Variants in PKHD1L1 observed in about 807,000 individuals in gnomAD.
The protein encoded by PKHD1L1 is fibrocystin-L.
A neutral mutation model predicts 462.9 loss-of-function variants in PKHD1L1; 434 were observed. The observed-to-expected ratio is 0.94, with a 90% CI of 0.87 to 1.02. The LOEUF (loss-of-function observed/expected upper bound fraction) is 1.02, where lower values mean the gene tolerates loss of function less well. PKHD1L1 is among the 50% of genes least tolerant of loss of function. The probability of loss-of-function intolerance (pLI) is 0.00; values close to 1 mark genes in which losing one functional copy is unlikely to be tolerated. For missense variants in PKHD1L1, 5,202 were observed against 5,096.1 expected, an observed-to-expected ratio of 1.02 and a Z score of -0.63; for synonymous variants, 1,781 against 1,750.0, an observed-to-expected ratio of 1.02 and a Z score of -0.44.
rs114962175 is a variant in PKHD1L1, at chr8:109,487,337, T to G, written c.9880+516T>G. Among the ~76,000 whole-genome samples the G allele has an allele frequency of 7.8e-3, 1,182 of 152,056 alleles. 16 individuals are homozygous for G. The highest frequency in any genetic ancestry group is 0.027 in the African/African-American group (1,105 of 41,518). ...TATTTTAGTATGCAACTCTAAGACA[T>G]TTTAGAAAACATCAACAAATATCAG... On this transcript the variant is annotated intron_variant, in intron 59 of 77. Transcript: ENST00000378402.
At chr8:109,448,040 C>A in intron 38 of PKHD1L1, 103 bp from the exon 39 acceptor site, 1 of 1,055,622 alleles carries the variant, frequency 9.5e-7, no homozygotes, top group Non-Finnish European at 1.3e-6. Context: ...AGTTTTAAAA[C>A]ACTGGTTATT....
chr8:109,455,287 A>C (rs541443310), intron 45 of PKHD1L1, among the ~76,000 whole-genome samples: 19 of 152,326 alleles, frequency 1.2e-4, no homozygotes, highest in African/African-American at 3.8e-4. Flanking sequence ...GCAGTGAGCC[A>C]AGATCACACC....
chr8:109,493,901 A>G, intron 63 of PKHD1L1, 150 bp downstream of exon 63: 2 of 520,992 alleles, frequency 3.8e-6, no homozygotes, highest in Non-Finnish European at 6.6e-6. Context: ...TTTCAAGATA[A>G]CATTGGATCT....
intron 24 of PKHD1L1, 103 bp from the exon 25 acceptor site, chr8:109,426,899 C>T (rs1814778899): frequency 5.8e-6 from 4 of 692,486 alleles, no homozygotes; most frequent in Middle Eastern, 4.2e-4. Context: ...GTGACCCGCC[C>T]GCTTTGGCCT....
chr8:109,495,048 A>G (rs1819019187), intron 63 of PKHD1L1, among the ~76,000 whole-genome samples: 1 of 151,940 alleles, frequency 6.6e-6, no homozygotes, highest in Admixed American at 6.6e-5. Context: ...TTTAAAAAAT[A>G]TACTAGTTAA....
At chr8:109,411,283 G>A (rs1400690369) in intron 19 of PKHD1L1, among the ~76,000 whole-genome samples, 2 of 151,996 alleles carry the variant, frequency 1.3e-5, no homozygotes, top group Non-Finnish European at 2.9e-5. Context: ...AAGACTTCAG[G>A]AAGCCAGCTA....
At chr8:109,392,324 AG>A (rs917181750) in intron 9 of PKHD1L1, among the ~76,000 whole-genome samples, 2 of 152,186 alleles carry the variant, frequency 1.3e-5, no homozygotes, top group African/African-American at 4.8e-5. Flanking sequence ...CAAAAATAGA[AG>A]GTTTGAGTGA....
In PKHD1L1 at chr8:109,464,299, T is replaced by C; in HGVS notation, c.7467T>C (p.Tyr2489=). ...HLLGDLQFKS[Y]VRGCAIHQAY... Reference sequence around the variant, plus strand: ...TTGGAGACTTACAGTTTAAATCTTATGTAAGAGGCTGTGCAATTCACCAGG... The same window carrying C: ...TTGGAGACTTACAGTTTAAATCTTACGTAAGAGGCTGTGCAATTCACCAGG... The change falls in exon 49 of 78, where the codon TAT becomes TAC. Residue 2489 remains tyrosine (Y), a synonymous_variant. Coordinates refer to ENST00000378402, the MANE Select transcript of PKHD1L1 (RefSeq NM_177531.6). The C allele has an allele frequency of 6.2e-7, 1 of 1,613,160 alleles. No individual in the cohort carries two copies. Among genetic ancestry groups the C allele is most frequent in the Non-Finnish European group, 8.5e-7 (1 of 1,179,518 alleles).
At chr8:109,491,738 TA>T in intron 61 of PKHD1L1, 134 bp from the exon 62 acceptor site, 2 of 825,190 alleles carry the variant, frequency 2.4e-6, no homozygotes, top group African/African-American at 1.7e-5. Flanking sequence ...TTCGAAACTC[TA>T]AGAGGATTGT....
intron 50 of PKHD1L1, among the ~76,000 whole-genome samples, chr8:109,473,989 G>A (rs537631688): frequency 4.6e-4 from 70 of 152,244 alleles, no homozygotes; most frequent in African/African-American, 1.5e-3. Flanking sequence ...AAGCAGGGAA[G>A]TCTACTTTGC....
intron 6 of PKHD1L1, among the ~76,000 whole-genome samples, chr8:109,387,872 A>G (rs545337654): frequency 6.6e-6 from 1 of 152,210 alleles, no homozygotes; most frequent in Non-Finnish European, 1.5e-5. Context: ...ATCTAACACC[A>G]ATCAGTCACC....
At chr8:109,526,476 C>G (rs903708191) in intron 76 of PKHD1L1, among the ~76,000 whole-genome samples, 1 of 152,186 alleles carries the variant, frequency 6.6e-6, no homozygotes, top group Non-Finnish European at 1.5e-5. Flanking sequence ...CCTATTGTCC[C>G]TCATTTCCAA....
chr8:109,505,040 AATTATT>A (rs201567587), intron 68 of PKHD1L1, among the ~76,000 whole-genome samples: 1 of 151,880 alleles, frequency 6.6e-6, no homozygotes, highest in African/African-American at 2.4e-5. Context: ...TGCCTGGCTT[AATTATT>A]ATTATTATTA....
At chr8:109,433,655 T>C (rs949995023) in intron 28 of PKHD1L1, among the ~76,000 whole-genome samples, 4 of 152,226 alleles carry the variant, frequency 2.6e-5, no homozygotes, top group Admixed American at 1.3e-4. Flanking sequence ...TAATGTAGAA[T>C]TTAAAGATCA....
chr8:109,449,070 TGACATC>T (rs1227657365), intron 39 of PKHD1L1, among the ~76,000 whole-genome samples: 3 of 152,276 alleles, frequency 2.0e-5, no homozygotes, highest in Middle Eastern at 6.8e-3. Context: ...AAATCCTTTG[TGACATC>T]TTTTTTAAAT....
intron 21 of PKHD1L1, among the ~76,000 whole-genome samples, chr8:109,415,861 AGG>A (rs36079473): frequency 8.2e-4 from 48 of 58,572 alleles, no homozygotes; most frequent in African/African-American, 2.5e-3. Flanking sequence ...AAAAAAAAAA[AGG>A]GGTGTGTGTG....
At chr8:109,454,379 G>A (rs1816704032) in intron 44 of PKHD1L1, 133 bp downstream of exon 44, 2 of 682,554 alleles carry the variant, frequency 2.9e-6, no homozygotes, top group South Asian at 2.9e-5. Flanking sequence ...TCTGTTATTG[G>A]TATAAAATCC....
At position 109,441,993 on chromosome 8, in the gene PKHD1L1, A is replaced by T. The variant is rs180724694; in HGVS notation, c.4205-14A>T. ...TCTTTTTCTTTTAAAATATTACTCA[A>T]TTCTTGCCCCCAGTACATGGATTAG... On this transcript the variant is annotated splice_polypyrimidine_tract_variant and intron_variant, in intron 34 of 77. Coordinates refer to ENST00000378402, the MANE Select transcript of PKHD1L1 (RefSeq NM_177531.6). The T allele has an allele frequency of 6.4e-7, 1 of 1,550,916 alleles. No individual in the cohort carries two copies. The highest frequency in any genetic ancestry group is 2.3e-5 in the East Asian group (1 of 43,532).
Position 109,530,155 on chromosome 8 carries a change from T to G in PKHD1L1, c.*65T>G, listed in dbSNP as rs184017210. 2.1e-5 allele frequency: 21 copies of G among 1,009,772 alleles called. No homozygotes were observed. In the Admixed American group the frequency reaches 2.3e-4, roughly 11 times the overall value. The allele number at this position is 1,009,772 out of a possible 1,614,324, so 62.6% of individuals were successfully genotyped here. The stretch of plus-strand genomic sequence containing the variant: ...AATTATTAGCTACTTTGTTGGGCAA[T>G]AGGCAAAAGTCTATAGCATTTTCAT... On this transcript the variant is annotated 3_prime_UTR_variant, in exon 78 of 78. Transcript: ENST00000378402.
Sources: allele counts gnomAD v4.1 joint callset (sites outside exome capture counted in the v4.1 genomes callset), GRCh38; gene constraint gnomAD v4.1.1; transcripts MANE v1.5; gene names NCBI Gene and HGNC (gene_info 2026-07-23, HGNC 2026-07-21).